Variants in KCTD16 observed in about 807,000 individuals in gnomAD.
KCTD16 encodes potassium channel tetramerization domain containing 16, also known as BTB/POZ domain-containing protein KCTD16.
Under a neutral mutation model 33.2 loss-of-function variants are expected in KCTD16, and 13 were observed. The ratio of observed to expected loss-of-function variants is 0.39; its 90% confidence interval spans 0.25 to 0.62. The LOEUF is 0.62. Among genes scored for constraint, KCTD16 ranks in the 20% least tolerant of loss-of-function variants. The probability of loss-of-function intolerance (pLI) is 0.50; values close to 1 mark genes in which losing one functional copy is unlikely to be tolerated. For synonymous variants in KCTD16, 197 were observed against 195.3 expected (o/e 1.01, Z -0.07); for missense variants, 441 against 525.1 (o/e 0.84, Z 1.57).
intron 3 of KCTD16, among the ~76,000 whole-genome samples, chr5:144,350,403 A>G (rs1472229995): frequency 1.3e-5 from 2 of 152,228 alleles, no homozygotes; most frequent in African/African-American, 2.4e-5. Flanking sequence ...AGAGACACAT[A>G]TTATAAAATA....
In KCTD16 at chr5:144,475,601, T is replaced by C. The variant is rs1251854442; in HGVS notation, c.*1487T>C. The C allele has an allele frequency of 6.6e-6, 1 of 152,614 alleles. No individual in the cohort carries two copies. The highest frequency in any genetic ancestry group is 1.9e-4 in the East Asian group (1 of 5,198). 9.5% of individuals were successfully genotyped at this position (152,614 alleles called of 1,614,324 possible). On this transcript the variant is annotated 3_prime_UTR_variant, in exon 4 of 4. Coordinates refer to ENST00000512467, the MANE Select transcript of KCTD16 (RefSeq NM_020768.4). The stretch of plus-strand genomic sequence containing the variant: ...TTTCAGCATTCCTCATGCATTTCAG[T>C]GGTAACCAAAAAATAATTTGTCAAT...
intron 3 of KCTD16, among the ~76,000 whole-genome samples, chr5:144,223,059 C>T (rs372615047): frequency 5.6e-4 from 85 of 152,162 alleles, no homozygotes; most frequent in Non-Finnish European, 9.9e-4. Flanking sequence ...AACCAAACAC[C>T]GCATGTTCTC....
intron 3 of KCTD16, among the ~76,000 whole-genome samples, chr5:144,278,787 G>A (rs749130054): frequency 6.6e-6 from 1 of 152,106 alleles, no homozygotes; most frequent in African/African-American, 2.4e-5. Context: ...GTGAGCCACC[G>A]TGCCTGGCCG....
chr5:144,393,952 CTTTCTTT>C lies in KCTD16; in HGVS notation c.833-79697_833-79691del, dbSNP rs201646256. Among the ~76,000 whole-genome samples the C allele has an allele frequency of 2.6e-3, 358 of 140,070 alleles. 7 individuals are homozygous for C. The East Asian group carries it at 0.062, about 24-fold the overall frequency. The allele number at this position is 140,070 out of a possible 152,430, so 91.9% of individuals were successfully genotyped here. A position where few individuals can be genotyped will look rare whatever the true frequency, so the allele number is the denominator to read the frequency against. ...TTTTTCTTTTGCTTTTCCTTTTTTT[CTTTCTTT>C]TTTCTTTTTTTTTTTTTTTTTGTTT... is the stretch of plus-strand genomic sequence containing the variant. On this transcript the variant is annotated intron_variant, in intron 3 of 3. Coordinates refer to ENST00000512467, the MANE Select transcript of KCTD16 (RefSeq NM_020768.4).
At chr5:144,341,830 C>T (rs1195923267) in intron 3 of KCTD16, among the ~76,000 whole-genome samples, 1 of 152,094 alleles carries the variant, frequency 6.6e-6, no homozygotes, top group South Asian at 2.1e-4. Flanking sequence ...TGCTTAGCCC[C>T]ATAGGAAATA....
chr5:144,422,492 C>T (rs1368108250), intron 3 of KCTD16, among the ~76,000 whole-genome samples: 2 of 152,256 alleles, frequency 1.3e-5, no homozygotes, highest in Admixed American at 6.5e-5. Context: ...GCTATTTATT[C>T]TTATTACTTG....
chr5:144,255,110 C>A (rs1464748749), intron 3 of KCTD16, among the ~76,000 whole-genome samples: 1 of 152,110 alleles, frequency 6.6e-6, no homozygotes, highest in Non-Finnish European at 1.5e-5. Context: ...GCATAATGTC[C>A]TCAATGTTCA....
chr5:144,391,231 A>G (rs1407426449), intron 3 of KCTD16, among the ~76,000 whole-genome samples: 3 of 152,210 alleles, frequency 2.0e-5, no homozygotes, highest in Non-Finnish European at 4.4e-5. Context: ...CCTACCAAGC[A>G]CCACAGGTAT....
At chr5:144,218,046 G>T (rs1214475248) in intron 3 of KCTD16, among the ~76,000 whole-genome samples, 1 of 152,144 alleles carries the variant, frequency 6.6e-6, no homozygotes, top group Admixed American at 6.6e-5. Flanking sequence ...GTGCCTGTTA[G>T]GTTCCTCAAC....
intron 3 of KCTD16, among the ~76,000 whole-genome samples, chr5:144,329,073 T>G (rs1752287291): frequency 6.6e-6 from 1 of 152,136 alleles, no homozygotes; most frequent in African/African-American, 2.4e-5. Flanking sequence ...CAAACTTATT[T>G]GAAATATTGT....
chr5:144,343,211 A>C (rs199909017), intron 3 of KCTD16, among the ~76,000 whole-genome samples: 4 of 151,430 alleles, frequency 2.6e-5, no homozygotes, highest in African/African-American at 9.7e-5. Context: ...GTGGTCCTGG[A>C]CTCTTTTTGG....
chr5:144,263,695 A>G (rs1357350592), intron 3 of KCTD16, among the ~76,000 whole-genome samples: 2 of 152,224 alleles, frequency 1.3e-5, no homozygotes, highest in East Asian at 1.9e-4. Context: ...GCAGTTTGGG[A>G]AAGTAGTTCA....
At chr5:144,326,569 A>G (rs556440294) in intron 3 of KCTD16, among the ~76,000 whole-genome samples, 2 of 152,224 alleles carry the variant, frequency 1.3e-5, no homozygotes, top group African/African-American at 2.4e-5. Context: ...GGACCTTATA[A>G]CTAATCATTT....
intron 3 of KCTD16, among the ~76,000 whole-genome samples, chr5:144,460,928 T>A (rs1561616336): frequency 6.6e-6 from 1 of 152,204 alleles, no homozygotes; most frequent in Admixed American, 6.5e-5. Context: ...GATACCATGA[T>A]TTCTCTTCTT....
intron 3 of KCTD16, among the ~76,000 whole-genome samples, chr5:144,421,408 C>G (rs868176962): frequency 1.3e-5 from 2 of 152,074 alleles, no homozygotes; most frequent in African/African-American, 4.8e-5. Flanking sequence ...TATCTACTTG[C>G]ATGGGTTGAT....
At chr5:144,339,909 G>C (rs1752584628) in intron 3 of KCTD16, among the ~76,000 whole-genome samples, 1 of 152,142 alleles carries the variant, frequency 6.6e-6, no homozygotes. Flanking sequence ...CTCAATACTT[G>C]CCCCTCTCTC....
chr5:144,287,448 A>C (rs953264664), intron 3 of KCTD16, among the ~76,000 whole-genome samples: 7 of 152,056 alleles, frequency 4.6e-5, no homozygotes, highest in African/African-American at 1.2e-4. Context: ...CCTTACAGCA[A>C]CTCCATTCTA....
chr5:144,306,338 A>G (rs1322993895), intron 3 of KCTD16, among the ~76,000 whole-genome samples: 1 of 152,240 alleles, frequency 6.6e-6, no homozygotes, highest in Non-Finnish European at 1.5e-5. Flanking sequence ...CCTGGCTGCT[A>G]TGCTAGGAAA....
chr5:144,459,824 C>CTTT (rs70995051), intron 3 of KCTD16, among the ~76,000 whole-genome samples: 1,155 of 66,822 alleles, frequency 0.017, 13 homozygotes, highest in Non-Finnish European at 0.02. Context: ...CCAATATCAT[C>CTTT]TTTTTTTTTT....
Sources: gnomAD v4.1 joint callset for allele counts (sites outside exome capture counted in the v4.1 genomes callset) on GRCh38, gnomAD v4.1.1 for gene constraint, MANE v1.5 for transcripts, NCBI Gene and HGNC (gene_info 2026-07-23, HGNC 2026-07-21) for gene names.